The following ARID5B variants were observed in gnomAD, a reference collection of about 807,000 sequenced individuals.
The protein encoded by ARID5B is AT-rich interaction domain 5B.
In ARID5B, 13 loss-of-function variants were observed where a neutral mutation model predicts 97.2. That is an observed-to-expected ratio of 0.13 (90% confidence interval 0.09 to 0.21). The LOEUF is 0.21. ARID5B is among the 10% of genes least tolerant of loss of function. The pLI is 1.00. For missense variants in ARID5B, 1,210 were observed against 1,465.3 expected, an observed-to-expected ratio of 0.83 and a Z score of 2.84; for synonymous variants, 556 against 570.3, an observed-to-expected ratio of 0.97 and a Z score of 0.36.
intron 2 of ARID5B, among the ~76,000 whole-genome samples, chr10:61,917,880 G>C (rs1172464602): frequency 6.6e-6 from 1 of 152,174 alleles, no homozygotes; most frequent in Non-Finnish European, 1.5e-5. Flanking sequence ...TGAGGAGGGA[G>C]GCAGGGACCA....
chr10:61,917,163 T>TAA (rs3051550), intron 2 of ARID5B, among the ~76,000 whole-genome samples: 8 of 139,470 alleles, frequency 5.7e-5, no homozygotes, highest in Non-Finnish European at 6.2e-5. Flanking sequence ...CTGTTTCTAG[T>TAA]AAAAAAAAAA....
At chr10:62,059,367 G>A in intron 7 of ARID5B, 72 bp downstream of exon 7, 1 of 1,294,116 alleles carries the variant, frequency 7.7e-7, no homozygotes, top group Non-Finnish European at 1.1e-6. Flanking sequence ...CCAAAATGGA[G>A]AACATGCAAG....
chr10:62,007,952 G>A (rs936766042), intron 4 of ARID5B, among the ~76,000 whole-genome samples: 12 of 151,912 alleles, frequency 7.9e-5, no homozygotes, highest in Non-Finnish European at 4.4e-5. Flanking sequence ...ATCACCCAGT[G>A]TGTCATTATC....
At chr10:62,023,835 C>T (rs1839385775) in intron 4 of ARID5B, among the ~76,000 whole-genome samples, 1 of 152,146 alleles carries the variant, frequency 6.6e-6, no homozygotes, top group African/African-American at 2.4e-5. Context: ...GTGCCCTAGG[C>T]ACATTGAAGG....
At chr10:61,986,775 C>A (rs914103481) in intron 3 of ARID5B, among the ~76,000 whole-genome samples, 4 of 152,172 alleles carry the variant, frequency 2.6e-5, no homozygotes, top group African/African-American at 9.7e-5. Context: ...CCTTGGCATA[C>A]TTTGGAAAAC....
In ARID5B at chr10:62,091,920, C is replaced by G; in HGVS notation, c.2457C>G (p.Leu819=). The G allele has an allele frequency of 6.2e-7, 1 of 1,613,876 alleles. No individual in the cohort carries two copies. The highest frequency in any genetic ancestry group is 1.1e-5 in the South Asian group (1 of 91,022). The change falls in exon 10 of 10, where the codon CTC becomes CTG. Residue 819 remains leucine (L), a synonymous_variant. Coordinates refer to ENST00000279873, the MANE Select transcript of ARID5B (RefSeq NM_032199.3). ...GKDKLLEKRA[L]PHSHMPSFLA... is the part of the protein sequence containing the mutation. Reference sequence around the variant, plus strand: ...ATAAACTCTTAGAGAAAAGGGCCCTCCCCCATTCCCACATGCCTAGCTTCC... The same window carrying G: ...ATAAACTCTTAGAGAAAAGGGCCCTGCCCCATTCCCACATGCCTAGCTTCC...
chr10:61,916,329 A>G lies in ARID5B; in HGVS notation c.276+13916A>G, dbSNP rs189345347. On this transcript the variant is annotated intron_variant, in intron 2 of 9. Transcript: ENST00000279873. Reference sequence around the variant, plus strand: ...GCACAGAGCCATGCCCACGTTTACAAATGGTCTCTGGCAGCTTTCGCACTA... The same window carrying G: ...GCACAGAGCCATGCCCACGTTTACAGATGGTCTCTGGCAGCTTTCGCACTA... Among the ~76,000 whole-genome samples the G allele has an allele frequency of 1.4e-3, 207 of 152,274 alleles. 1 individual carries two copies. The highest frequency in any genetic ancestry group is 4.8e-3 in the African/African-American group (200 of 41,546).
At chr10:61,910,508 AT>A (rs368469829) in intron 2 of ARID5B, among the ~76,000 whole-genome samples, 2 of 151,954 alleles carry the variant, frequency 1.3e-5, no homozygotes, top group South Asian at 2.1e-4. Context: ...GGATTCCCTC[AT>A]TTCTTGAAGA....
chr10:61,960,366 A>G (rs1345496737), intron 3 of ARID5B, among the ~76,000 whole-genome samples: 3 of 152,116 alleles, frequency 2.0e-5, no homozygotes, highest in Admixed American at 6.5e-5. Context: ...TTTGTAATGG[A>G]AACACATTTT....
chr10:61,969,045 A>G (rs1838587342), intron 3 of ARID5B, among the ~76,000 whole-genome samples: 1 of 152,212 alleles, frequency 6.6e-6, no homozygotes, highest in Non-Finnish European at 1.5e-5. Context: ...GAGATTCAAA[A>G]TGATTTCTAA....
intron 3 of ARID5B, among the ~76,000 whole-genome samples, chr10:61,975,579 T>A (rs1425479066): frequency 2.0e-5 from 3 of 152,054 alleles, no homozygotes; most frequent in Non-Finnish European, 2.9e-5. Context: ...GTAAACTGGG[T>A]ATAAGAATTC....
rs192132604 is a variant in ARID5B at position 62,079,319 on chromosome 10, T to C, written c.1200-6383T>C. 7.9e-5 allele frequency among the ~76,000 whole-genome samples: 12 copies of C among 152,308 alleles called. No homozygotes were observed. The East Asian group carries it at 2.1e-3, about 27-fold the overall frequency. On this transcript the variant is annotated intron_variant, in intron 8 of 9. Transcript: ENST00000279873. ...TAAATAGCTGTGTGCCATTGACTAG[T>C]CACTTAATCGTTTAGCTCTGAACCT...
chr10:62,073,207 T>A (rs894242792), intron 8 of ARID5B, among the ~76,000 whole-genome samples: 5 of 152,226 alleles, frequency 3.3e-5, no homozygotes, highest in Non-Finnish European at 7.3e-5. Context: ...AGAACTGCTC[T>A]TTTTCCTATT....
At chr10:62,079,943 G>C (rs1309840224) in intron 8 of ARID5B, among the ~76,000 whole-genome samples, 1 of 152,100 alleles carries the variant, frequency 6.6e-6, no homozygotes, top group Non-Finnish European at 1.5e-5. Context: ...ATACCTTTTA[G>C]GTGTCTTAGC....
rs1001539504 is a variant in ARID5B, at chr10:61,988,228, T to C, written c.503-11863T>C. ...GTTTCCAGTAGGTTTCATAAGTATC[T>C]CTTTCAGCTGTTAAATTACTTTTAG... On this transcript the variant is annotated intron_variant, in intron 3 of 9. Coordinates refer to ENST00000279873, the MANE Select transcript of ARID5B (RefSeq NM_032199.3). Among the ~76,000 whole-genome samples the C allele has an allele frequency of 2.6e-5, 4 of 152,206 alleles. No individual in the cohort carries two copies. In the South Asian group the frequency reaches 8.3e-4, roughly 31 times the overall value.
chr10:61,986,193 G>A (rs1053135890), intron 3 of ARID5B, among the ~76,000 whole-genome samples: 2 of 152,094 alleles, frequency 1.3e-5, no homozygotes, highest in Non-Finnish European at 2.9e-5. Context: ...ACTTGCCCCT[G>A]CCATTAGCTG....
intron 2 of ARID5B, among the ~76,000 whole-genome samples, chr10:61,919,388 G>T (rs1843972073): frequency 6.6e-6 from 1 of 152,186 alleles, no homozygotes; most frequent in South Asian, 2.1e-4. Flanking sequence ...ATTTGGGGAT[G>T]CTCATGGTAG....
At chr10:62,066,513 G>T (rs1032051637) in intron 7 of ARID5B, among the ~76,000 whole-genome samples, 4 of 152,158 alleles carry the variant, frequency 2.6e-5, no homozygotes, top group Admixed American at 2.6e-4. Context: ...CACTCCAGAT[G>T]ATCCTCACTG....
chr10:62,030,248 G>A (rs1380811985), intron 4 of ARID5B, among the ~76,000 whole-genome samples: 1 of 151,892 alleles, frequency 6.6e-6, no homozygotes, highest in Non-Finnish European at 1.5e-5. Context: ...TCCTGTCTCA[G>A]CCTCCCGAGT....
Sources: allele counts gnomAD v4.1 joint callset (sites outside exome capture counted in the v4.1 genomes callset), GRCh38; gene constraint gnomAD v4.1.1; transcripts MANE v1.5; gene names NCBI Gene and HGNC (gene_info 2026-07-23, HGNC 2026-07-21).